LRP1B: variants seen among roughly 807,000 people sequenced by gnomAD.
LRP1B encodes the protein low-density lipoprotein receptor-related protein 1B.
A neutral mutation model predicts 556.6 loss-of-function variants in LRP1B; 217 were observed. The ratio of observed to expected loss-of-function variants is 0.39; its 90% CI spans 0.35 to 0.44. The LOEUF is 0.44. Among genes scored for constraint, LRP1B ranks in the 20% least tolerant of loss-of-function variants. The pLI is 1.00. For synonymous variants in LRP1B, 2,047 were observed against 1,865.8 expected, an observed-to-expected ratio of 1.10 and a Z score of -2.50; for missense variants, 5,053 against 5,620.8, an observed-to-expected ratio of 0.90 and a Z score of 3.23.
chr2:140,692,973 G>A (rs954853998), intron 41 of LRP1B, among the ~76,000 whole-genome samples: 1 of 151,840 alleles, frequency 6.6e-6, no homozygotes, highest in Non-Finnish European at 1.5e-5. Flanking sequence ...ATAACATTTT[G>A]TTTCATTTTT....
At chr2:141,659,132 G>A (rs1307276268) in intron 2 of LRP1B, among the ~76,000 whole-genome samples, 2 of 152,056 alleles carry the variant, frequency 1.3e-5, no homozygotes, top group Non-Finnish European at 2.9e-5. Flanking sequence ...TCGAACTTCC[G>A]AGCTCAAACA....
At chr2:140,425,642 C>T (rs751993833) in intron 66 of LRP1B, among the ~76,000 whole-genome samples, 3 of 152,086 alleles carry the variant, frequency 2.0e-5, no homozygotes, top group Non-Finnish European at 4.4e-5. Context: ...AACTCCTGAC[C>T]TGGTGATCCT....
At chr2:141,043,657 T>C (rs1324913092) in intron 11 of LRP1B, among the ~76,000 whole-genome samples, 1 of 152,086 alleles carries the variant, frequency 6.6e-6, no homozygotes, top group East Asian at 1.9e-4. Flanking sequence ...ATTTCTTCTA[T>C]TTAAATATCT....
At chr2:140,552,498 C>T (rs1455022087) in intron 43 of LRP1B, among the ~76,000 whole-genome samples, 2 of 152,218 alleles carry the variant, frequency 1.3e-5, no homozygotes, top group East Asian at 3.9e-4. Context: ...TCACTAAGAA[C>T]TGAGCTAACT....
chr2:140,639,121 G>A (rs1056418519), intron 41 of LRP1B, among the ~76,000 whole-genome samples: 23 of 152,124 alleles, frequency 1.5e-4, no homozygotes, highest in Admixed American at 1.3e-3. Context: ...GAAGGTATGA[G>A]TGTTAGTCCA....
chr2:140,814,174 C>T (rs1297411990), intron 31 of LRP1B, among the ~76,000 whole-genome samples: 9 of 151,988 alleles, frequency 5.9e-5, no homozygotes, highest in South Asian at 2.1e-4. Flanking sequence ...AAAAGGGGCT[C>T]ACTATTTTGC....
chr2:142,056,087 GT>G (rs1704659228), intron 1 of LRP1B, among the ~76,000 whole-genome samples: 1 of 152,070 alleles, frequency 6.6e-6, no homozygotes, highest in African/African-American at 2.4e-5. Flanking sequence ...GGAGGTGGAG[GT>G]TGCAGTGAGC....
At chr2:141,363,881 T>A (rs1688924240) in intron 3 of LRP1B, among the ~76,000 whole-genome samples, 1 of 152,186 alleles carries the variant, frequency 6.6e-6, no homozygotes, top group South Asian at 2.1e-4. Flanking sequence ...CAATTATAAT[T>A]TGTTAAAACG....
At chr2:141,208,381 C>T (rs763490549) in intron 6 of LRP1B, 43 of 152,384 alleles carry the variant, frequency 2.8e-4, no homozygotes, top group Middle Eastern at 3.4e-3. Flanking sequence ...GCAGTGCCAA[C>T]GACTATCGCC....
At chr2:141,165,813 C>T (rs182658924) in intron 7 of LRP1B, among the ~76,000 whole-genome samples, 35 of 152,138 alleles carry the variant, frequency 2.3e-4, no homozygotes, top group Admixed American at 2.3e-3. Flanking sequence ...TCCTGGTTAA[C>T]TCAATGCTAG....
chr2:140,678,770 C>CTTTT (rs35395485), intron 41 of LRP1B, among the ~76,000 whole-genome samples: 1 of 136,204 alleles, frequency 7.3e-6, no homozygotes, highest in African/African-American at 2.7e-5. Flanking sequence ...TTCAATCTCC[C>CTTTT]TTTTTTTTTT....
chr2:141,550,611 T>C (rs565076765), intron 2 of LRP1B, among the ~76,000 whole-genome samples: 2 of 152,294 alleles, frequency 1.3e-5, no homozygotes, highest in South Asian at 4.1e-4. Flanking sequence ...TGTCTTTGGA[T>C]ATTCGTTCAA....
At chr2:140,331,249 G>A (rs1290236936) in intron 79 of LRP1B, among the ~76,000 whole-genome samples, 1 of 152,046 alleles carries the variant, frequency 6.6e-6, no homozygotes, top group East Asian at 1.9e-4. Context: ...CCATAAAAAG[G>A]AATGCGATCA....
intron 1 of LRP1B, among the ~76,000 whole-genome samples, chr2:141,928,196 T>C (rs921124867): frequency 1.3e-5 from 2 of 152,188 alleles, no homozygotes; most frequent in African/African-American, 4.8e-5. Flanking sequence ...GTCCCCATCA[T>C]ATAGTTCAGG....
intron 2 of LRP1B, among the ~76,000 whole-genome samples, chr2:141,808,146 G>A (rs1008596428): frequency 2.6e-5 from 4 of 152,012 alleles, no homozygotes; most frequent in African/African-American, 9.7e-5. Context: ...CAACCTAGAT[G>A]TGCCATGCCA....
At chr2:140,508,423 G>C (rs532311081) in intron 52 of LRP1B, among the ~76,000 whole-genome samples, 3 of 152,096 alleles carry the variant, frequency 2.0e-5, no homozygotes, top group South Asian at 2.1e-4. Flanking sequence ...ACTGCCCCAG[G>C]CTCCATGAAC....
intron 14 of LRP1B, among the ~76,000 whole-genome samples, chr2:141,009,724 G>T (rs1016745241): frequency 2.0e-5 from 3 of 151,890 alleles, no homozygotes; most frequent in African/African-American, 7.2e-5. Flanking sequence ...TATAAAAGTA[G>T]TCAAGGGGAA....
chr2:140,619,508 G>A (rs1251013278), intron 41 of LRP1B, among the ~76,000 whole-genome samples: 2 of 152,180 alleles, frequency 1.3e-5, no homozygotes, highest in African/African-American at 4.8e-5. Context: ...GGCTGTCAAT[G>A]TCTTGTGAAT....
At chr2:141,151,424 T>A (rs144758676) in intron 7 of LRP1B, among the ~76,000 whole-genome samples, 238 of 152,294 alleles carry the variant, frequency 1.6e-3, no homozygotes, top group African/African-American at 5.3e-3. Context: ...AACATTATAT[T>A]CATCAATATC....
Sources: gnomAD v4.1 joint callset for allele counts (sites outside exome capture counted in the v4.1 genomes callset) on GRCh38, gnomAD v4.1.1 for gene constraint, MANE v1.5 for transcripts, NCBI Gene and HGNC (gene_info 2026-07-23, HGNC 2026-07-21) for gene names.